CDH8: variants seen among roughly 807,000 people sequenced by gnomAD.
The protein encoded by CDH8 is cadherin 8.
CDH8 carries 17 observed loss-of-function variants against 68.1 expected under a neutral mutation model. The observed-to-expected ratio is 0.25, with a 90% confidence interval of 0.17 to 0.37. The LOEUF (loss-of-function observed/expected upper bound fraction) is 0.37, where lower values mean the gene tolerates loss of function less well. Among genes scored for constraint, CDH8 ranks in the 10% least tolerant of loss-of-function variants. The pLI is 1.00. For synonymous variants in CDH8, 372 were observed against 365.1 expected (o/e 1.02, Z -0.21); for missense variants, 763 against 999.3 (o/e 0.76, Z 3.19).
chr16:61,750,867 T>C (rs1001476156), intron 8 of CDH8, among the ~76,000 whole-genome samples: 1 of 152,130 alleles, frequency 6.6e-6, no homozygotes, highest in Non-Finnish European at 1.5e-5. Context: ...AAAGATTCCA[T>C]AGCTTTTGAT....
At chr16:61,938,292 A>C (rs967730588) in intron 2 of CDH8, among the ~76,000 whole-genome samples, 1 of 152,260 alleles carries the variant, frequency 6.6e-6, no homozygotes, top group Non-Finnish European at 1.5e-5. Flanking sequence ...CATGATTTCC[A>C]TGTTCTTACT....
At position 61,793,859 on chromosome 16, in the gene CDH8, T is replaced by C. The variant is rs1471114133; in HGVS notation, c.1278-4377A>G. Among the ~76,000 whole-genome samples the C allele has an allele frequency of 2.0e-5, 3 of 152,166 alleles. No individual in the cohort carries two copies. In the East Asian group the frequency reaches 5.8e-4, roughly 29 times the overall value. On this transcript the variant is annotated intron_variant, in intron 7 of 11. Coordinates refer to ENST00000577390, the MANE Select transcript of CDH8 (RefSeq NM_001796.5). ...CTTCCACGATGGTTGAACTAATTCA[T>C]ATTCCCACTAACAGAAGAAATTAAT...
chr16:61,801,727 C>G (rs1257781733), intron 7 of CDH8, among the ~76,000 whole-genome samples: 1 of 152,180 alleles, frequency 6.6e-6, no homozygotes, highest in East Asian at 1.9e-4. Flanking sequence ...AAAATCGGGT[C>G]ACTCCCACCC....
intron 10 of CDH8, among the ~76,000 whole-genome samples, chr16:61,668,919 T>C (rs1208533914): frequency 1.3e-5 from 2 of 151,928 alleles, no homozygotes; most frequent in Non-Finnish European, 2.9e-5. Flanking sequence ...ATATAAAGAG[T>C]AGTTGAGCCA....
intron 2 of CDH8, among the ~76,000 whole-genome samples, chr16:61,917,849 T>C (rs1964268977): frequency 6.6e-6 from 1 of 152,120 alleles, no homozygotes; most frequent in African/African-American, 2.4e-5. Context: ...GTGAGGACTT[T>C]AGACCTAAGC....
chr16:61,710,689 G>A (rs1005208804), intron 10 of CDH8: 50 of 152,010 alleles, frequency 3.3e-4, no homozygotes, highest in South Asian at 2.9e-3. Context: ...TAAAAATTGC[G>A]GTATAAACCA....
At chr16:61,684,075 C>A (rs1266174904) in intron 10 of CDH8, among the ~76,000 whole-genome samples, 1 of 151,986 alleles carries the variant, frequency 6.6e-6, no homozygotes, top group Non-Finnish European at 1.5e-5. Flanking sequence ...TTGGTTCTGT[C>A]ATTGTGGTAT....
chr16:61,833,702 G>A (rs569952639), intron 4 of CDH8, among the ~76,000 whole-genome samples: 1 of 151,922 alleles, frequency 6.6e-6, no homozygotes, highest in African/African-American at 2.4e-5. Context: ...CTTTGGATTT[G>A]CCATATACTT....
intron 7 of CDH8, among the ~76,000 whole-genome samples, chr16:61,812,245 G>A (rs1024536427): frequency 2.0e-5 from 3 of 152,170 alleles, no homozygotes; most frequent in Non-Finnish European, 4.4e-5. Flanking sequence ...ACTGCTTTCA[G>A]GAGAATTGCT....
At chr16:61,746,515 G>C (rs1347707731) in intron 8 of CDH8, among the ~76,000 whole-genome samples, 1 of 149,922 alleles carries the variant, frequency 6.7e-6, no homozygotes, top group Non-Finnish European at 1.5e-5. Context: ...TCTGATGTAA[G>C]TTACCATCAT....
chr16:61,704,744 G>A (rs894373357), intron 10 of CDH8, among the ~76,000 whole-genome samples: 1 of 152,132 alleles, frequency 6.6e-6, no homozygotes, highest in African/African-American at 2.4e-5. Context: ...TGATTTTAAC[G>A]TTTGTGATAT....
At chr16:61,997,059 G>T (rs1420289068) in intron 2 of CDH8, among the ~76,000 whole-genome samples, 1 of 151,862 alleles carries the variant, frequency 6.6e-6, no homozygotes, top group Non-Finnish European at 1.5e-5. Context: ...TCTGAGGAGT[G>T]TTTTTTTAAA....
chr16:61,668,906 T>G (rs1347089592), intron 10 of CDH8, among the ~76,000 whole-genome samples: 1 of 152,052 alleles, frequency 6.6e-6, no homozygotes. Context: ...ATTAACACAT[T>G]TGATATAAAG....
At chr16:61,815,536 C>G (rs967319338) in intron 7 of CDH8, among the ~76,000 whole-genome samples, 2 of 152,184 alleles carry the variant, frequency 1.3e-5, no homozygotes, top group African/African-American at 2.4e-5. Flanking sequence ...GATCGTGTCT[C>G]TGCACAGCCA....
At chr16:61,792,075 G>C (rs1430682745) in intron 7 of CDH8, among the ~76,000 whole-genome samples, 2 of 151,932 alleles carry the variant, frequency 1.3e-5, no homozygotes, top group East Asian at 1.9e-4. Context: ...TATTTAGAAA[G>C]TAGTGAAGAA....
At chr16:61,787,534 G>A (rs557311076) in intron 8 of CDH8, among the ~76,000 whole-genome samples, 36 of 139,698 alleles carry the variant, frequency 2.6e-4, no homozygotes, top group Non-Finnish European at 4.9e-4. Context: ...TCAGTGTGGC[G>A]ATTCCTCAGG....
In CDH8 at chr16:61,652,144, T is replaced by A; in HGVS notation, c.*1464A>T. The A allele has an allele frequency of 1.0e-6, 1 of 979,616 alleles. No homozygotes were observed. The highest frequency in any genetic ancestry group is 4.7e-5 in the South Asian group (1 of 21,162). 60.7% of individuals were successfully genotyped at this position (979,616 alleles called of 1,614,324 possible). On this transcript the variant is annotated 3_prime_UTR_variant, in exon 12 of 12. Coordinates refer to ENST00000577390, the MANE Select transcript of CDH8 (RefSeq NM_001796.5). The stretch of plus-strand genomic sequence containing the variant: ...AAATGATCTGCATGTAATACTTGAG[T>A]TTTATCATACATTTTCTACTCCTAA...
chr16:61,850,737 T>A (rs1962921976), intron 4 of CDH8, among the ~76,000 whole-genome samples: 1 of 152,060 alleles, frequency 6.6e-6, no homozygotes, highest in South Asian at 2.1e-4. Context: ...ACATTTTCAT[T>A]TCTTAAACTA....
intron 10 of CDH8, among the ~76,000 whole-genome samples, chr16:61,662,430 A>T (rs571856813): frequency 1.6e-4 from 25 of 151,916 alleles, no homozygotes; most frequent in African/African-American, 4.8e-4. Flanking sequence ...GAAGTAAAAA[A>T]TATATGAAAA....
Sources: gnomAD v4.1 joint callset for allele counts (sites outside exome capture counted in the v4.1 genomes callset) on GRCh38, gnomAD v4.1.1 for gene constraint, MANE v1.5 for transcripts, NCBI Gene and HGNC (gene_info 2026-07-23, HGNC 2026-07-21) for gene names.